The following PDZD2 variants were observed in gnomAD, a reference collection of about 807,000 sequenced individuals.
The protein encoded by PDZD2 is PDZ domain containing 2, also known as PDZ domain-containing protein 2.
In PDZD2, 90 loss-of-function variants were observed where a neutral mutation model predicts 220.7. That is an observed-to-expected ratio of 0.41 (90% CI 0.34 to 0.49). The LOEUF is 0.49. PDZD2 is among the 20% of genes least tolerant of loss of function. The pLI is 0.28. For missense variants in PDZD2, 3,174 were observed against 3,608.5 expected (o/e 0.88, Z 3.08); for synonymous variants, 1,375 against 1,450.5 (o/e 0.95, Z 1.18).
chr5:31,690,152 CACTG>C (rs1299732521), intron 1 of PDZD2, among the ~76,000 whole-genome samples: 1 of 152,138 alleles, frequency 6.6e-6, no homozygotes, highest in Non-Finnish European at 1.5e-5. Context: ...ATAAGGGAGA[CACTG>C]TCAAAGTGCT....
chr5:31,711,064 GTC>G (rs1485394558), intron 1 of PDZD2, among the ~76,000 whole-genome samples: 2 of 152,216 alleles, frequency 1.3e-5, no homozygotes, highest in Non-Finnish European at 2.9e-5. Context: ...CAGCTGCCGA[GTC>G]TCTCTGGGAT....
chr5:32,041,922 A>AG (rs1756192591), intron 7 of PDZD2, among the ~76,000 whole-genome samples: 1 of 149,674 alleles, frequency 6.7e-6, no homozygotes, highest in Non-Finnish European at 1.5e-5. Flanking sequence ...AAAAAAAAAA[A>AG]AAAACATCAA....
intron 2 of PDZD2, among the ~76,000 whole-genome samples, chr5:31,816,634 T>C (rs985047533): frequency 6.6e-6 from 1 of 152,212 alleles, no homozygotes; most frequent in Non-Finnish European, 1.5e-5. Flanking sequence ...AACAAAATTT[T>C]ATATTTTTAA....
At chr5:31,836,411 A>T (rs903721223) in intron 2 of PDZD2, among the ~76,000 whole-genome samples, 18 of 151,726 alleles carry the variant, frequency 1.2e-4, no homozygotes, top group African/African-American at 3.9e-4. Context: ...TTTGTATTGT[A>T]AAGACGGGGT....
intron 1 of PDZD2, among the ~76,000 whole-genome samples, chr5:31,694,827 G>A (rs1204327744): frequency 1.4e-5 from 2 of 144,280 alleles, no homozygotes; most frequent in Admixed American, 1.5e-4. Context: ...AGTTTATTAA[G>A]AAAGTAAAGG....
intron 1 of PDZD2, among the ~76,000 whole-genome samples, chr5:31,716,950 G>C (rs1242852577): frequency 1.3e-5 from 2 of 152,100 alleles, no homozygotes; most frequent in African/African-American, 4.8e-5. Flanking sequence ...GTTGGGGTGG[G>C]GTGGCGGTGA....
In PDZD2 at chr5:31,983,325, C is replaced by A; in HGVS notation, c.647C>A (p.Thr216Asn). The A allele has an allele frequency of 6.2e-7, 1 of 1,614,218 alleles. No individual in the cohort carries two copies. The highest frequency in any genetic ancestry group is 8.5e-7 in the Non-Finnish European group (1 of 1,180,044). Residue 216 changes from threonine (T) to asparagine (N), a missense_variant, in exon 3 of 25, where the codon ACC becomes AAC. Physicochemically the swap from Thr to Asn is moderately conservative, Grantham distance 65 (BLOSUM62 0). This residue lies in a region of PDZD2 where 632 missense variants were observed against 708.1 expected (regional missense o/e 0.89). Transcript: ENST00000438447. The part of the protein sequence containing the change: ...GDRTAKKGKR[T>N]RKFGVISRPP... ...CGAACTGCGAAAAAGGGGAAACGAA[C>A]CAGAAAGTTTGGGGTCATCTCCAGG...
At chr5:32,020,801 T>C (rs13180480) in intron 6 of PDZD2, among the ~76,000 whole-genome samples, 25,362 of 151,766 alleles carry the variant, frequency 0.17, 2,360 homozygotes, top group Admixed American at 0.23. Flanking sequence ...CACACCACCA[T>C]TCCTGGCTAA....
At chr5:31,679,709 C>T (rs1746577987) in intron 1 of PDZD2, among the ~76,000 whole-genome samples, 3 of 152,084 alleles carry the variant, frequency 2.0e-5, no homozygotes, top group South Asian at 4.1e-4. Context: ...AGGGTTTTGC[C>T]ATGCTGGCCA....
chr5:31,690,022 C>A (rs1561385578), intron 1 of PDZD2, among the ~76,000 whole-genome samples: 1 of 152,104 alleles, frequency 6.6e-6, no homozygotes, highest in Non-Finnish European at 1.5e-5. Flanking sequence ...CCTGTCCCCA[C>A]AGTTACTCAT....
At chr5:31,642,946 T>C (rs1417816477) in intron 1 of PDZD2, among the ~76,000 whole-genome samples, 1 of 152,146 alleles carries the variant, frequency 6.6e-6, no homozygotes, top group South Asian at 2.1e-4. Flanking sequence ...GAAGGACTCC[T>C]GAGTTGGGGT....
At chr5:31,849,522 G>A (rs952710209) in intron 2 of PDZD2, among the ~76,000 whole-genome samples, 6 of 151,986 alleles carry the variant, frequency 3.9e-5, no homozygotes, top group African/African-American at 1.2e-4. Context: ...AATACGTCCC[G>A]TACACAGAAC....
In PDZD2 at chr5:31,642,462, G is replaced by C. The variant is rs146047597; in HGVS notation, c.-361+3025G>C. Among the ~76,000 whole-genome samples the C allele has an allele frequency of 7.7e-4, 117 of 152,328 alleles. 1 individual carries two copies. The East Asian group carries it at 7.9e-3, about 10-fold the overall frequency. ...AACAGTGTCTGCAAGGGGTGTTCAT[G>C]AAGCCAGGCTGCAAGGGAAGAAGGA... On this transcript the variant is annotated intron_variant, in intron 1 of 24. Coordinates refer to ENST00000438447, the MANE Select transcript of PDZD2 (RefSeq NM_178140.4).
Position 31,930,495 on chromosome 5 carries a change from G to A in PDZD2, c.477-52660G>A, listed in dbSNP as rs147190397. ...ATTACAGGCGTGAGCCACCGCGTCCGGCCAGGTATTTCCCTATAGTGACAC... is the reference window on the plus strand; with the variant it reads ...ATTACAGGCGTGAGCCACCGCGTCCAGCCAGGTATTTCCCTATAGTGACAC... On this transcript the variant is annotated intron_variant, in intron 2 of 24. Coordinates refer to ENST00000438447, the MANE Select transcript of PDZD2 (RefSeq NM_178140.4). Among the ~76,000 whole-genome samples the A allele has an allele frequency of 2.7e-3, 410 of 152,060 alleles. 1 individual carries two copies. The highest frequency in any genetic ancestry group is 9.5e-3 in the African/African-American group (394 of 41,496).
rs1325605866 is a variant in PDZD2 at position 32,087,552 on chromosome 5, T to C, written c.4104T>C (p.His1368=). 2 of 1,613,870 alleles carry C rather than the reference T, an allele frequency of 1.2e-6. No homozygotes were observed. The highest frequency in any genetic ancestry group is 1.7e-6 in the Non-Finnish European group (2 of 1,179,872). Reference sequence around the variant, plus strand: ...AGGCTCTGGAAATGACAGGAATCCATGCACCTGAAAGCTCCCAGGAGCCTT... The same window carrying C: ...AGGCTCTGGAAATGACAGGAATCCACGCACCTGAAAGCTCCCAGGAGCCTT... ...HSKALEMTGI[H]APESSQEPSL... Residue 1368 remains histidine (H), a synonymous_variant, in exon 20 of 25, where the codon CAT becomes CAC. Transcript: ENST00000438447. This position sits in a 1 kb window ranked among gnomAD's most constrained non-coding sequence, Gnocchi z 4.0.
intron 1 of PDZD2, among the ~76,000 whole-genome samples, chr5:31,771,847 C>T (rs1379514318): frequency 6.6e-6 from 1 of 152,072 alleles, no homozygotes; most frequent in African/African-American, 2.4e-5. Context: ...GGTGACTTTT[C>T]CCTTCTTAGG....
chr5:31,857,700 G>A (rs1009781896), intron 2 of PDZD2, among the ~76,000 whole-genome samples: 7 of 152,162 alleles, frequency 4.6e-5, no homozygotes, highest in African/African-American at 1.7e-4. Context: ...TTCATTGTAA[G>A]ACTTGGTGTG....
intron 6 of PDZD2, among the ~76,000 whole-genome samples, chr5:32,033,810 G>C (rs1368324635): frequency 6.6e-6 from 1 of 152,000 alleles, no homozygotes; most frequent in Non-Finnish European, 1.5e-5. Context: ...GTAGAGATGG[G>C]GTTTCGCCAT....
intron 2 of PDZD2, among the ~76,000 whole-genome samples, chr5:31,878,939 A>G (rs1051420367): frequency 6.6e-6 from 1 of 152,086 alleles, no homozygotes; most frequent in African/African-American, 2.4e-5. Flanking sequence ...CCCTTCCTCC[A>G]TTAGCTAACT....
Sources: allele counts gnomAD v4.1 joint callset (sites outside exome capture counted in the v4.1 genomes callset), GRCh38; gene constraint gnomAD v4.1.1; regional missense constraint gnomAD v4.1.1; non-coding constraint Gnocchi (gnomAD v3.1); transcripts MANE v1.5; gene names NCBI Gene and HGNC (gene_info 2026-07-23, HGNC 2026-07-21).